Variants in RGPD2 observed in about 807,000 individuals in gnomAD.
RGPD2 encodes the protein RANBP2-like and GRIP domain-containing protein 2.
Under a neutral mutation model 36.0 loss-of-function variants are expected in RGPD2, and 2 were observed. The observed-to-expected ratio is 0.06, with a 90% confidence interval of 0.02 to 0.17. The LOEUF (loss-of-function observed/expected upper bound fraction) is 0.17, where lower values mean the gene tolerates loss of function less well. Among genes scored for constraint, RGPD2 ranks in the 10% least tolerant of loss-of-function variants. The probability of loss-of-function intolerance (pLI) is 1.00; values close to 1 mark genes in which losing one functional copy is unlikely to be tolerated. For synonymous variants in RGPD2, 19 were observed against 163.8 expected (o/e 0.12, Z 6.75); for missense variants, 40 against 464.3 (o/e 0.09, Z 8.40).
chr2:87,974,334 C>CAAA, the RGPD2 span, among the ~76,000 whole-genome samples: 1 of 146,506 alleles, frequency 6.8e-6, no homozygotes, highest in East Asian at 2.0e-4. Context: ...TTCTGTCAGG[C>CAAA]AAAAACAACA....
the RGPD2 span, chr2:87,968,599 G>C: frequency 6.7e-6 from 1 of 149,170 alleles, no homozygotes; most frequent in Non-Finnish European, 1.5e-5. Flanking sequence ...TTGTGCACTG[G>C]GTCGCCAAGA....
At chr2:87,763,220 C>T (rs1386649869) in intron 22 of RGPD2, among the ~76,000 whole-genome samples, 6 of 137,256 alleles carry the variant, frequency 4.4e-5, no homozygotes, top group East Asian at 2.3e-4. Flanking sequence ...TGCAGTGGCA[C>T]GATCTCAGCT....
chr2:87,921,376 C>T, the RGPD2 span, among the ~76,000 whole-genome samples: 4 of 152,240 alleles, frequency 2.6e-5, no homozygotes, highest in East Asian at 7.7e-4. Flanking sequence ...TAGGAGTTTG[C>T]ATGTTAAAGA....
At chr2:87,985,969 C>G in the RGPD2 span, 2 of 1,278,722 alleles carry the variant, frequency 1.6e-6, no homozygotes, top group Non-Finnish European at 2.1e-6. Context: ...ATTTCTTTTC[C>G]CCTTTCAATA....
At chr2:87,915,569 CATATATGTGTGTGTATATACACAT>C in the RGPD2 span, among the ~76,000 whole-genome samples, 394 of 140,974 alleles carry the variant, frequency 2.8e-3, 2 homozygotes, top group Middle Eastern at 8.7e-3. Flanking sequence ...TATATATACA[CATATATGTGTGTGTATATACACAT>C]ATATATGTGT....
At chr2:87,972,951 A>T in the RGPD2 span, 1 of 1,613,926 alleles carries the variant, frequency 6.2e-7, no homozygotes, top group East Asian at 2.2e-5. Context: ...TTGGCCTATC[A>T]TGGGGCATGC....
chr2:87,807,381 T>C lies in RGPD2; in HGVS notation c.780-490A>G, dbSNP rs1339284596. On this transcript the variant is annotated intron_variant, in intron 6 of 22. Transcript: ENST00000398146. ...TATAGATCATTACAGCGTTAAATTG[T>C]TTTTTTTTTTTTTTTTTTTTTTTGA... is the stretch of plus-strand genomic sequence containing the variant. Among the ~76,000 whole-genome samples, 30 of 93,948 alleles carry C rather than the reference T, an allele frequency of 3.2e-4. 1 individual carries two copies. The South Asian group carries it at 8.6e-3, about 27-fold the overall frequency. 61.6% of individuals were successfully genotyped at this position (93,948 alleles called of 152,430 possible).
chr2:87,948,342 G>A, the RGPD2 span, among the ~76,000 whole-genome samples: 1 of 149,684 alleles, frequency 6.7e-6, no homozygotes, highest in Non-Finnish European at 1.5e-5. Flanking sequence ...CATCATCATC[G>A]TTATTGATAT....
the RGPD2 span, among the ~76,000 whole-genome samples, chr2:87,839,361 A>C: frequency 6.6e-6 from 1 of 152,072 alleles, no homozygotes; most frequent in African/African-American, 2.4e-5. Flanking sequence ...TATTATCAAA[A>C]AGTCAAAAAA....
chr2:87,948,264 A>C, the RGPD2 span, among the ~76,000 whole-genome samples: 3 of 151,860 alleles, frequency 2.0e-5, no homozygotes, highest in African/African-American at 7.3e-5. Context: ...CTGCTGTGAG[A>C]GTTAAATGTA....
At chr2:87,824,203 A>T (rs1686504230) in intron 1 of RGPD2, among the ~76,000 whole-genome samples, 1 of 150,572 alleles carries the variant, frequency 6.6e-6, no homozygotes, top group Admixed American at 6.6e-5. Flanking sequence ...TGTATTTTTA[A>T]TAGAGACGGA....
the RGPD2 span, among the ~76,000 whole-genome samples, chr2:87,886,024 A>G: frequency 6.6e-6 from 1 of 151,956 alleles, no homozygotes; most frequent in African/African-American, 2.4e-5. Context: ...TTTTAAAGAA[A>G]CAAATACATT....
chr2:87,760,901 G>C (rs1360680994), intron 22 of RGPD2, among the ~76,000 whole-genome samples: 2 of 150,212 alleles, frequency 1.3e-5, no homozygotes, highest in Non-Finnish European at 3.0e-5. Context: ...ATAGGCGTAA[G>C]CCACCATGCC....
the RGPD2 span, among the ~76,000 whole-genome samples, chr2:87,971,585 A>C: frequency 6.9e-6 from 1 of 145,666 alleles, no homozygotes; most frequent in Non-Finnish European, 1.5e-5. Flanking sequence ...TTCCAAATCT[A>C]GGATCTTTAT....
chr2:87,945,125 T>C, the RGPD2 span, among the ~76,000 whole-genome samples: 4 of 152,124 alleles, frequency 2.6e-5, no homozygotes, highest in Non-Finnish European at 5.9e-5. Context: ...GCATCATTTA[T>C]AACATCGTTT....
chr2:87,852,863 A>G, the RGPD2 span, among the ~76,000 whole-genome samples: 2 of 152,282 alleles, frequency 1.3e-5, no homozygotes, highest in Admixed American at 1.3e-4. Context: ...TTTCTCCATA[A>G]TAGTCATAGC....
the RGPD2 span, among the ~76,000 whole-genome samples, chr2:87,830,984 T>C: frequency 6.6e-6 from 1 of 152,174 alleles, no homozygotes; most frequent in Non-Finnish European, 1.5e-5. Context: ...ATTAACATAG[T>C]TGCGTTACCA....
At chr2:87,863,870 G>A in the RGPD2 span, among the ~76,000 whole-genome samples, 2 of 152,064 alleles carry the variant, frequency 1.3e-5, no homozygotes, top group African/African-American at 4.8e-5. Flanking sequence ...GTCAGGAGAG[G>A]AGTAAACATC....
chr2:87,910,529 T>C, the RGPD2 span, among the ~76,000 whole-genome samples: 690 of 152,366 alleles, frequency 4.5e-3, 2 homozygotes, highest in African/African-American at 0.016. Flanking sequence ...TCTTTCACTG[T>C]TATACTTGCA....
Sources: allele counts gnomAD v4.1 joint callset (sites outside exome capture counted in the v4.1 genomes callset), GRCh38; gene constraint gnomAD v4.1.1; transcripts MANE v1.5; gene names NCBI Gene and HGNC (gene_info 2026-07-23, HGNC 2026-07-21).